ZZEF1: variants seen among roughly 807,000 people sequenced by gnomAD.
ZZEF1 encodes zinc finger ZZ-type and EF-hand domain-containing protein 1.
ZZEF1 carries 157 observed loss-of-function variants against 342.8 expected under a neutral mutation model. That is an observed-to-expected ratio of 0.46 (90% CI 0.40 to 0.52). The LOEUF is 0.52. ZZEF1 is among the 20% of genes least tolerant of loss of function. The probability of loss-of-function intolerance (pLI) is 0.00; values close to 1 mark genes in which losing one functional copy is unlikely to be tolerated. For missense variants in ZZEF1, 3,480 were observed against 3,725.6 expected (o/e 0.93, Z 1.72); for synonymous variants, 1,505 against 1,429.1 (o/e 1.05, Z -1.20).
At chr17:4,129,003 G>C (rs1452130566) in intron 1 of ZZEF1, among the ~76,000 whole-genome samples, 1 of 151,882 alleles carries the variant, frequency 6.6e-6, no homozygotes, top group African/African-American at 2.4e-5. Flanking sequence ...TCTTGACCTT[G>C]TGATCTGCCC....
intron 1 of ZZEF1, among the ~76,000 whole-genome samples, chr17:4,125,123 AC>A (rs1416376695): frequency 6.6e-6 from 1 of 151,644 alleles, no homozygotes; most frequent in Non-Finnish European, 1.5e-5. Context: ...GGTGTCCCTG[AC>A]CCCCTTCCCT....
intron 11 of ZZEF1, among the ~76,000 whole-genome samples, chr17:4,093,982 T>C (rs770686783): frequency 4.6e-5 from 7 of 152,210 alleles, no homozygotes; most frequent in Non-Finnish European, 1.0e-4. Context: ...CTTGGCTTCA[T>C]GGGACACAGC....
intron 4 of ZZEF1, 39 bp from the exon 5 acceptor site, chr17:4,112,847 G>A (rs1365140242): frequency 3.3e-6 from 5 of 1,500,302 alleles, no homozygotes; most frequent in African/African-American, 1.4e-5. Context: ...AATGTTTATA[G>A]GAGTCAAGAA....
At chr17:4,105,075 TG>T (rs1264365923) in intron 7 of ZZEF1, among the ~76,000 whole-genome samples, 2 of 152,266 alleles carry the variant, frequency 1.3e-5, no homozygotes, top group African/African-American at 4.8e-5. Context: ...AATAAGCCTC[TG>T]CTATTAAGAA....
rs574236629 is a variant in ZZEF1, at chr17:4,101,789, G to C, written c.1672+528C>G. ...TTACAGGTGCCCTGCCACCACAACA[G>C]CTAATTTTTGTAGTTTTTTTATTAG... On this transcript the variant is annotated intron_variant, in intron 9 of 54. Coordinates refer to ENST00000381638, the MANE Select transcript of ZZEF1 (RefSeq NM_015113.4). Among the ~76,000 whole-genome samples the C allele has an allele frequency of 1.0e-3, 159 of 152,180 alleles. 1 individual carries two copies. The highest frequency in any genetic ancestry group is 1.8e-3 in the Non-Finnish European group (122 of 68,006).
At chr17:4,101,093 G>A (rs1023672233) in intron 9 of ZZEF1, among the ~76,000 whole-genome samples, 2 of 152,058 alleles carry the variant, frequency 1.3e-5, no homozygotes, top group Admixed American at 6.5e-5. Flanking sequence ...AAAGAAAAAC[G>A]TTTCTGCACA....
At chr17:4,035,113 C>T (rs1446866740) in intron 39 of ZZEF1, among the ~76,000 whole-genome samples, 1 of 152,100 alleles carries the variant, frequency 6.6e-6, no homozygotes, top group Non-Finnish European at 1.5e-5. Context: ...TAGTGTCTTG[C>T]AACTTATTAA....
rs1179743466 is a variant in ZZEF1 at position 4,027,286 on chromosome 17, C to CTTTTTTTTTTTTT, written c.6893-2181_6893-2169dup. On this transcript the variant is annotated intron_variant, in intron 42 of 54. Transcript: ENST00000381638. ...GACCTACGCACCCAGCAATATCTCA[C>CTTTTTTTTTTTTT]TTTTTTTTTTTTTTTTTTTTTTTTT... Among the ~76,000 whole-genome samples, 105 of 67,978 alleles carry CTTTTTTTTTTTTT rather than the reference C, an allele frequency of 1.5e-3. 27 individuals are homozygous for CTTTTTTTTTTTTT. The highest frequency in any genetic ancestry group is 6.7e-3 in the African/African-American group (100 of 14,910). The allele number at this position is 67,978 out of a possible 152,430, so 44.6% of individuals were successfully genotyped here.
chr17:4,058,158 A>C lies in ZZEF1; in HGVS notation c.5004-3T>G, dbSNP rs746468144. On this transcript the variant is annotated splice_region_variant and splice_polypyrimidine_tract_variant and intron_variant, in intron 31 of 54. Transcript: ENST00000381638. ...AGGATAAGGCAGGGAGCAAGGACCT[A>C]AAGGGCCATGAAAGTGACCATTAGC... 1 of 1,611,098 alleles carries C rather than the reference A, an allele frequency of 6.2e-7. No homozygotes were observed. Among genetic ancestry groups the C allele is most frequent in the Admixed American group, 1.7e-5 (1 of 59,582 alleles).
At position 4,017,598 on chromosome 17, in the gene ZZEF1, G is replaced by A. The variant is rs1003904139; in HGVS notation, c.7774C>T (p.His2592Tyr). The A allele has an allele frequency of 1.9e-6, 3 of 1,614,134 alleles. No homozygotes were observed. Among genetic ancestry groups the A allele is most frequent in the African/African-American group, 2.7e-5 (2 of 74,934 alleles). Reference sequence around the variant, plus strand: ...TTACTCTTGCAGTTCAGCTCCTTGTGCAGGAGGGCGGCGCTCTTGCTACGG... The same window carrying A: ...TTACTCTTGCAGTTCAGCTCCTTGTACAGGAGGGCGGCGCTCTTGCTACGG... ...QRRSKSAALL[H>Y]KELNCKSKRA... The change falls in exon 48 of 55, where the codon CAC (histidine) becomes TAC (tyrosine). Residue 2592 changes from histidine to tyrosine, a missense_variant. His to Tyr is a moderately conservative substitution (Grantham distance 83). Coordinates refer to ENST00000381638, the MANE Select transcript of ZZEF1 (RefSeq NM_015113.4). The surrounding 1 kb of genome is among the most constrained non-coding windows in gnomAD (Gnocchi z 5.1).
chr17:4,088,374 C>G (rs2057879637), intron 13 of ZZEF1, among the ~76,000 whole-genome samples: 1 of 152,182 alleles, frequency 6.6e-6, no homozygotes, highest in Non-Finnish European at 1.5e-5. Context: ...CCCATGAACT[C>G]TGTTCTGTTT....
At chr17:4,018,013 C>G (rs2247194) in intron 46 of ZZEF1, 42 bp from the exon 47 acceptor site, 648,973 of 1,606,470 alleles carry the variant, frequency 0.4, 138,710 homozygotes, top group African/African-American at 0.78. Context: ...ACAGTGTAGA[C>G]AGGCCAGTTT....
chr17:4,095,603 T>C (rs546284040), intron 11 of ZZEF1, among the ~76,000 whole-genome samples: 2 of 152,274 alleles, frequency 1.3e-5, no homozygotes, highest in East Asian at 3.9e-4. Context: ...TGTGTGCCCC[T>C]GGCCACAAAA....
intron 25 of ZZEF1, 97 bp from the exon 26 acceptor site, chr17:4,071,021 C>T (rs1042625242): frequency 7.2e-7 from 1 of 1,381,148 alleles, no homozygotes; most frequent in Non-Finnish European, 9.9e-7. Context: ...GTATAAAACA[C>T]AGTGAACACT....
At chr17:4,029,874 CA>C (rs58293642) in intron 42 of ZZEF1, among the ~76,000 whole-genome samples, 6,509 of 81,600 alleles carry the variant, frequency 0.08, 468 homozygotes, top group African/African-American at 0.24. Flanking sequence ...AACTCCATCT[CA>C]AAAAAAAAAA....
At chr17:4,089,534 G>A (rs927852583) in intron 12 of ZZEF1, among the ~76,000 whole-genome samples, 4 of 152,236 alleles carry the variant, frequency 2.6e-5, no homozygotes. Flanking sequence ...GCCAAATAAT[G>A]ATTGGTCCTT....
At chr17:4,085,948 T>C (rs1567827844) in intron 15 of ZZEF1, 145 bp from the exon 16 acceptor site, 2 of 874,266 alleles carry the variant, frequency 2.3e-6, no homozygotes, top group African/African-American at 3.3e-5. Flanking sequence ...CCAGGCAGTA[T>C]AAAAAAATAT....
At chr17:4,076,149 T>TTTTTTTTTTTTTTA (rs71312932) in intron 21 of ZZEF1, 1 of 144,848 alleles carries the variant, frequency 6.9e-6, no homozygotes, top group Admixed American at 6.9e-5. Flanking sequence ...TTTTTTTTTT[T>TTTTTTTTTTTTTTA]GAGACGGAGT....
intron 9 of ZZEF1, among the ~76,000 whole-genome samples, chr17:4,099,424 G>A (rs974519944): frequency 1.3e-5 from 2 of 151,832 alleles, no homozygotes; most frequent in Non-Finnish European, 2.9e-5. Context: ...ATCTCACTAT[G>A]TTACCCAGGA....
Sources: gnomAD v4.1 joint callset for allele counts (sites outside exome capture counted in the v4.1 genomes callset) on GRCh38, gnomAD v4.1.1 for gene constraint, Gnocchi (gnomAD v3.1) non-coding constraint, MANE v1.5 for transcripts, NCBI Gene and HGNC (gene_info 2026-07-23, HGNC 2026-07-21) for gene names.